SIKE1: variants seen among roughly 807,000 people sequenced by gnomAD.
The protein encoded by SIKE1 is suppressor of IKK epsilon.
In SIKE1, 13 loss-of-function variants were observed where a neutral mutation model predicts 25.8. That is an observed-to-expected ratio of 0.50 (90% CI 0.33 to 0.80). The LOEUF (loss-of-function observed/expected upper bound fraction) is 0.80, where lower values mean the gene tolerates loss of function less well. Ranked by LOEUF, SIKE1 falls within the 30% of genes least tolerant of loss-of-function variation. SIKE1 has a pLI of 0.02. For missense variants in SIKE1, 222 were observed against 252.4 expected (o/e 0.88, Z 0.82); for synonymous variants, 86 against 95.5 (o/e 0.90, Z 0.58).
At chr1:114,776,314 A>G in intron 4 of SIKE1, 32 bp downstream of exon 4, 1 of 1,314,690 alleles carries the variant, frequency 7.6e-7, no homozygotes. Flanking sequence ...AAACTATGAA[A>G]TACTGTGAAC....
chr1:114,777,083 A>T (rs1662263192), intron 3 of SIKE1, among the ~76,000 whole-genome samples: 1 of 152,156 alleles, frequency 6.6e-6, no homozygotes, highest in Non-Finnish European at 1.5e-5. Flanking sequence ...GGGGAACATC[A>T]CACACCGGGG....
rs1662101184 is a variant in SIKE1, at chr1:114,772,646, T to C, written c.*1625A>G. On this transcript the variant is annotated 3_prime_UTR_variant, in exon 5 of 5. Coordinates refer to ENST00000060969, the MANE Select transcript of SIKE1 (RefSeq NM_025073.3). Reference sequence around the variant, plus strand: ...GGTAGGTTTGGCCGTGGCTGCCAAATGGTATAGAGTACCTGCCTCTTGAAT... The same window carrying C: ...GGTAGGTTTGGCCGTGGCTGCCAAACGGTATAGAGTACCTGCCTCTTGAAT... 1 of 152,200 alleles carries C rather than the reference T, an allele frequency of 6.6e-6. No individual in the cohort carries two copies. The highest frequency in any genetic ancestry group is 1.5e-5 in the Non-Finnish European group (1 of 68,036). 9.4% of individuals were successfully genotyped at this position (152,200 alleles called of 1,614,324 possible).
At chr1:114,775,355 CAT>C (rs1662182328) in intron 4 of SIKE1, among the ~76,000 whole-genome samples, 1 of 151,066 alleles carries the variant, frequency 6.6e-6, no homozygotes, top group Admixed American at 6.6e-5. Flanking sequence ...CTAGCATTTA[CAT>C]ATTATTTAAT....
intron 3 of SIKE1, among the ~76,000 whole-genome samples, chr1:114,777,667 A>C (rs1321704294): frequency 2.0e-5 from 3 of 152,340 alleles, no homozygotes; most frequent in Admixed American, 1.3e-4. Flanking sequence ...TAAAGGACTA[A>C]GGTTTCATCC....
intron 1 of SIKE1, 61 bp downstream of exon 1, chr1:114,780,388 T>C (rs1662368678): frequency 6.2e-7 from 1 of 1,609,240 alleles, no homozygotes; most frequent in South Asian, 1.1e-5. Context: ...CCACTTTACC[T>C]CGCTCTCCAC....
chr1:114,780,264 G>T (rs1419651830), intron 1 of SIKE1, 49 bp from the exon 2 acceptor site: 1 of 1,562,558 alleles, frequency 6.4e-7, no homozygotes, highest in Non-Finnish European at 8.8e-7. Context: ...AACAGCGGCA[G>T]ATGCAACTGA....
chr1:114,776,310 T>C (rs1406683163), intron 4 of SIKE1, 36 bp downstream of exon 4: 1 of 1,270,596 alleles, frequency 7.9e-7, no homozygotes, highest in East Asian at 2.5e-5. Flanking sequence ...CGGAAAACTA[T>C]GAAATACTGT....
Position 114,776,360 on chromosome 1 carries a change from A to AT in SIKE1, c.507dup (p.Leu170IlefsTer7). 1 of 1,610,798 alleles carries AT rather than the reference A, an allele frequency of 6.2e-7. No individual in the cohort carries two copies. The highest frequency in any genetic ancestry group is 8.5e-7 in the Non-Finnish European group (1 of 1,177,378). ...TACAATCTTACCTCTAATTGGGCTA[A>AT]TTTTTCCTGAATCTTACAAAACTGG... On this transcript the variant is annotated frameshift_variant, in exon 4 of 5. Coordinates refer to ENST00000060969, the MANE Select transcript of SIKE1 (RefSeq NM_025073.3). LOFTEE classifies it high-confidence loss of function.
rs1557723030 is a variant in SIKE1 at position 114,776,516 on chromosome 1, G to A, written c.409-57C>T. On this transcript the variant is annotated intron_variant, in intron 3 of 4. Transcript: ENST00000060969. ...AAATCACCTGTTCTGTAGATATAAA[G>A]AACGTAAAAGCATGTGCATTACGAT... 4 of 1,101,968 alleles carry A rather than the reference G, an allele frequency of 3.6e-6. No individual in the cohort carries two copies. In the African/African-American group the frequency reaches 4.6e-5, roughly 13 times the overall value. 68.3% of individuals were successfully genotyped at this position (1,101,968 alleles called of 1,614,324 possible).
At position 114,780,118 on chromosome 1, in the gene SIKE1, T is replaced by G. The variant is rs1331571917; in HGVS notation, c.257A>C (p.Glu86Ala). 1 of 1,611,398 alleles carries G rather than the reference T, an allele frequency of 6.2e-7. No homozygotes were observed. The highest frequency in any genetic ancestry group is 2.2e-5 in the East Asian group (1 of 44,886). The change falls in exon 2 of 5, where the codon GAA (glutamate) becomes GCA (alanine). Residue 86 changes from glutamate (E) to alanine (A), a missense_variant. By Grantham distance (107) the Glu-to-Ala change is moderately radical (BLOSUM62 -1). Coordinates refer to ENST00000060969, the MANE Select transcript of SIKE1 (RefSeq NM_025073.3). The part of the protein sequence containing the change: ...ENTQIRDLQQ[E>A]NRELWISLEE... Reference sequence around the variant, plus strand: ...GAAAAGGCCTGACTAACCTCTGTTTTCCTGTTGCAAGTCTCTAATCTGTGT... The same window carrying G: ...GAAAAGGCCTGACTAACCTCTGTTTGCCTGTTGCAAGTCTCTAATCTGTGT...
rs567939442 is a variant in SIKE1 at position 114,780,262 on chromosome 1, C to G, written c.160-47G>C. The G allele has an allele frequency of 3.5e-5, 54 of 1,564,370 alleles. 1 individual carries two copies. The highest frequency in any genetic ancestry group is 3.2e-4 in the South Asian group (29 of 89,508). On this transcript the variant is annotated intron_variant, in intron 1 of 4. Transcript: ENST00000060969. ...AAGCATGCCTTAAAGAGAACAGCGG[C>G]AGATGCAACTGAAGAGGCAGAAGTT...
chr1:114,774,461 C>T, intron 4 of SIKE1, 89 bp from the exon 5 acceptor site: 1 of 884,820 alleles, frequency 1.1e-6, no homozygotes, highest in South Asian at 2.0e-5. Flanking sequence ...GAGCAGAAAA[C>T]ATTATTTTAA....
Position 114,773,304 on chromosome 1 carries a change from A to T in SIKE1, c.*967T>A, listed in dbSNP as rs1662120084. On this transcript the variant is annotated 3_prime_UTR_variant, in exon 5 of 5. Coordinates refer to ENST00000060969, the MANE Select transcript of SIKE1 (RefSeq NM_025073.3). ...TAAACAAAAAAAAAGAAAAAAGATA[A>T]AAAAAAACCCTGCTTCTATGTAAAC... 1 of 151,774 alleles carries T rather than the reference A, an allele frequency of 6.6e-6. No individual in the cohort carries two copies. Among genetic ancestry groups the T allele is most frequent in the African/African-American group, 2.4e-5 (1 of 41,338 alleles). The allele number at this position is 151,774 out of a possible 1,614,324, so 9.4% of individuals were successfully genotyped here. A position where few individuals can be genotyped will look rare whatever the true frequency, so the allele number is the denominator to read the frequency against.
intron 4 of SIKE1, 115 bp from the exon 5 acceptor site, chr1:114,774,487 G>A: frequency 1.5e-5 from 10 of 668,634 alleles, no homozygotes; most frequent in Non-Finnish European, 2.2e-5. Flanking sequence ...AAAAATTTAT[G>A]GAAACAAAAA....
chr1:114,780,205 T>C lies in SIKE1; in HGVS notation c.170A>G (p.Asp57Gly), dbSNP rs753541270. The change falls in exon 2 of 5, where the codon GAT becomes GGT. Residue 57 changes from aspartate (D) to glycine (G), a missense_variant. Asp to Gly is a moderately conservative substitution (Grantham distance 94). Coordinates refer to ENST00000060969, the MANE Select transcript of SIKE1 (RefSeq NM_025073.3). ...GTALPDQYQE[D>G]ASDMKDMSKY... ...GGACATGTCCTTCATATCGGATGCA[T>C]CCTCTTGATACTGGACAAATAGAGA... The C allele has an allele frequency of 1.9e-6, 3 of 1,612,532 alleles. No homozygotes were observed. In the East Asian group the frequency reaches 6.7e-5, roughly 36 times the overall value.
chr1:114,776,452 T>G lies in SIKE1; in HGVS notation c.416A>C (p.Glu139Ala). The change falls in exon 4 of 5, where the codon GAG becomes GCG. Residue 139 changes from glutamate (E) to alanine (A), a missense_variant. Transcript: ENST00000060969. ...TTCACAGATTCTGTCAATCTGACTC[T>G]CAATTTCCTGTGAAGATATTAAGGA... ...KAHQSHSAEIESQIDRICEMG... is the reference protein window; with the variant it reads ...KAHQSHSAEIASQIDRICEMG... The G allele has an allele frequency of 1.2e-6, 2 of 1,606,100 alleles. No individual in the cohort carries two copies. The highest frequency in any genetic ancestry group is 2.2e-5 in the South Asian group (2 of 90,932).
rs1217148731 is a variant in SIKE1 at position 114,780,622 on chromosome 1, C to G, written c.-15G>C. The G allele has an allele frequency of 6.3e-7, 1 of 1,593,430 alleles. No individual in the cohort carries two copies. The highest frequency in any genetic ancestry group is 1.1e-5 in the South Asian group (1 of 90,256). The stretch of plus-strand genomic sequence containing the variant: ...GTGCAGCTCATAGCAGCAGCACCAC[C>G]CCAGCCCCTGCCGGGCTCAGCTACG... On this transcript the variant is annotated 5_prime_UTR_variant, in exon 1 of 5. Coordinates refer to ENST00000060969, the MANE Select transcript of SIKE1 (RefSeq NM_025073.3).
rs1231097738 is a variant in SIKE1 at position 114,780,633 on chromosome 1, C to A, written c.-26G>T. On this transcript the variant is annotated 5_prime_UTR_variant, in exon 1 of 5. Transcript: ENST00000060969. ...AGCAGCAGCACCACCCCAGCCCCTGCCGGGCTCAGCTACGCGACTCGCTCA... is the reference window on the plus strand; with the variant it reads ...AGCAGCAGCACCACCCCAGCCCCTGACGGGCTCAGCTACGCGACTCGCTCA... 2 of 1,572,916 alleles carry A rather than the reference C, an allele frequency of 1.3e-6. No individual in the cohort carries two copies. The highest frequency in any genetic ancestry group is 1.8e-5 in the Admixed American group (1 of 56,496).
intron 3 of SIKE1, chr1:114,778,886 CA>C: frequency 2.1e-6 from 1 of 478,572 alleles, no homozygotes; most frequent in Non-Finnish European, 3.7e-6. Context: ...AACAAACAAA[CA>C]AACAAACAAC....
Sources: gnomAD v4.1 joint callset for allele counts (sites outside exome capture counted in the v4.1 genomes callset) on GRCh38, gnomAD v4.1.1 for gene constraint, MANE v1.5 for transcripts, NCBI Gene and HGNC (gene_info 2026-07-23, HGNC 2026-07-21) for gene names.